The following SEPTIN3 variants were observed in gnomAD, a reference collection of about 807,000 sequenced individuals.
The protein encoded by SEPTIN3 is neuronal-specific septin-3.
In SEPTIN3, 15 loss-of-function variants were observed where a neutral mutation model predicts 45.1. That is an observed-to-expected ratio of 0.33 (90% CI 0.22 to 0.51). The LOEUF is 0.51. SEPTIN3 is among the 20% of genes least tolerant of loss of function. The probability of loss-of-function intolerance (pLI) is 0.97; values close to 1 mark genes in which losing one functional copy is unlikely to be tolerated. For missense variants in SEPTIN3, 289 were observed against 457.2 expected, an observed-to-expected ratio of 0.63 and a Z score of 3.35; for synonymous variants, 148 against 164.8, an observed-to-expected ratio of 0.90 and a Z score of 0.78.
At chr22:41,973,204 G>A (rs1436423399) in intron 2 of SEPTIN3, among the ~76,000 whole-genome samples, 4 of 152,128 alleles carry the variant, frequency 2.6e-5, no homozygotes, top group Non-Finnish European at 5.9e-5. Context: ...GCCAGTCTGA[G>A]GTCAGGCTGA....
intron 3 of SEPTIN3, among the ~76,000 whole-genome samples, chr22:41,982,815 T>C (rs9620002): frequency 2.6e-3 from 381 of 147,954 alleles, no homozygotes; most frequent in African/African-American, 9.0e-3. Context: ...CACTTGAACC[T>C]GGGAGGTGGA....
At position 41,981,738 on chromosome 22, in the gene SEPTIN3, A is replaced by C. The variant is rs764705368; in HGVS notation, c.1598A>C (p.Asn533Thr). Residue 533 changes from asparagine (N) to threonine (T), a missense_variant, in exon 3 of 12, where the codon AAC becomes ACC. Transcript: ENST00000644076. ...PAVPMKPMSI[N>T]SNLLGYIGID... ...GTGCCCATGAAGCCCATGAGCATCA[A>C]CTCCAACCTGCTGGGCTACATCGGC... The C allele has an allele frequency of 1.2e-6, 2 of 1,613,872 alleles. No individual in the cohort carries two copies. The highest frequency in any genetic ancestry group is 1.1e-5 in the South Asian group (1 of 91,056).
At chr22:41,981,420 C>T (rs2078117877) in intron 2 of SEPTIN3, 1 of 474,136 alleles carries the variant, frequency 2.1e-6, no homozygotes, top group Non-Finnish European at 3.7e-6. Flanking sequence ...TGGCACTGGC[C>T]CAGATTTTAC....
chr22:41,981,181 C>T (rs2078114521), intron 2 of SEPTIN3: 1 of 155,790 alleles, frequency 6.4e-6, no homozygotes, highest in African/African-American at 2.4e-5. Context: ...GGCAATGGTG[C>T]TTCCCAGGGG....
chr22:41,974,714 G>A (rs191629559), intron 2 of SEPTIN3, among the ~76,000 whole-genome samples: 44 of 149,818 alleles, frequency 2.9e-4, no homozygotes, highest in African/African-American at 8.8e-4. Context: ...ATGAAACCCC[G>A]TCTCTACTAA....
At chr22:41,987,413 G>A in intron 5 of SEPTIN3, 126 bp downstream of exon 5, 2 of 1,123,402 alleles carry the variant, frequency 1.8e-6, no homozygotes, top group East Asian at 2.5e-5. Context: ...GACAGCCCAG[G>A]CCAGGGCCCC....
chr22:41,973,353 C>T (rs539649906), intron 2 of SEPTIN3, among the ~76,000 whole-genome samples: 303 of 151,692 alleles, frequency 2.0e-3, no homozygotes, highest in African/African-American at 7.0e-3. Flanking sequence ...GAGACTGTCT[C>T]TACAAAAAAT....
At chr22:41,990,745 C>CAAAAAAA (rs71184855) in intron 7 of SEPTIN3, among the ~76,000 whole-genome samples, 2 of 96,542 alleles carry the variant, frequency 2.1e-5, no homozygotes, top group Non-Finnish European at 1.9e-5. Flanking sequence ...CACTCTATCT[C>CAAAAAAA]AAAAAAAAAA....
chr22:41,974,713 C>T (rs906861934), intron 2 of SEPTIN3, among the ~76,000 whole-genome samples: 10 of 151,102 alleles, frequency 6.6e-5, no homozygotes, highest in South Asian at 2.1e-4. Flanking sequence ...GATGAAACCC[C>T]GTCTCTACTA....
chr22:41,994,924 A>G lies in SEPTIN3; in HGVS notation c.2505+210A>G, dbSNP rs1035878344. On this transcript the variant is annotated intron_variant, in intron 11 of 11. Coordinates refer to ENST00000644076, the MANE Select transcript of SEPTIN3 (RefSeq NM_001363845.2). This position sits in a 1 kb window ranked among gnomAD's most constrained non-coding sequence, Gnocchi z 4.2. The stretch of plus-strand genomic sequence containing the variant: ...GTGTGTGTGTGTGTGTGTGTGTGTG[A>G]CAGAGAGAGAGCGAGAGAGCCTGTG... 1.7e-6 allele frequency: 2 copies of G among 1,190,478 alleles called. No homozygotes were observed. The highest frequency in any genetic ancestry group is 1.9e-5 in the South Asian group (1 of 51,896). The allele number at this position is 1,190,478 out of a possible 1,614,324, so 73.7% of individuals were successfully genotyped here.
At chr22:41,984,318 C>G (rs1162545815) in intron 3 of SEPTIN3, among the ~76,000 whole-genome samples, 2 of 152,174 alleles carry the variant, frequency 1.3e-5, no homozygotes, top group African/African-American at 4.8e-5. Context: ...AATATAATCA[C>G]AAGAATTCAC....
chr22:41,969,921 A>G (rs1318524192), intron 1 of SEPTIN3, among the ~76,000 whole-genome samples: 1 of 152,000 alleles, frequency 6.6e-6, no homozygotes, highest in African/African-American at 2.4e-5. Context: ...GTGGCTGTGC[A>G]GGAGGGGGCA....
chr22:41,990,764 A>AAG (rs1215235306), intron 7 of SEPTIN3, among the ~76,000 whole-genome samples: 2 of 137,986 alleles, frequency 1.4e-5, no homozygotes, highest in Non-Finnish European at 3.2e-5. Flanking sequence ...AAAAAAAAAA[A>AAG]AAAAGAAACT....
intron 3 of SEPTIN3, among the ~76,000 whole-genome samples, chr22:41,984,845 C>CTTTTTTTT (rs11380985): frequency 6.0e-5 from 6 of 100,660 alleles, no homozygotes; most frequent in African/African-American, 1.6e-4. Context: ...GTGGTTTTCC[C>CTTTTTTTT]TTTTTTTTTT....
Position 41,987,786 on chromosome 22 carries a change from C to T in SEPTIN3, c.2045+27C>T, listed in dbSNP as rs1259992242. On this transcript the variant is annotated intron_variant, in intron 6 of 11. Coordinates refer to ENST00000644076, the MANE Select transcript of SEPTIN3 (RefSeq NM_001363845.2). ...TATGTACCAACCCTACCCCTATTGT[C>T]AGGCCTGGTCTGGTTTGTATCATCT... 6.3e-6 allele frequency: 10 copies of T among 1,595,678 alleles called. No individual in the cohort carries two copies. In the African/African-American group the frequency reaches 1.2e-4, roughly 19 times the overall value.
chr22:41,979,850 C>G (rs1413302561), intron 2 of SEPTIN3, among the ~76,000 whole-genome samples: 1 of 152,154 alleles, frequency 6.6e-6, no homozygotes, highest in Non-Finnish European at 1.5e-5. Flanking sequence ...GAAGGGAATA[C>G]TTCTGTCCCC....
In SEPTIN3 at chr22:41,969,466, C is replaced by G. The variant is rs999251143; in HGVS notation, c.-231C>G. 2 of 152,178 alleles carry G rather than the reference C, an allele frequency of 1.3e-5. No homozygotes were observed. The highest frequency in any genetic ancestry group is 4.8e-5 in the African/African-American group (2 of 41,344). 9.4% of individuals were successfully genotyped at this position (152,178 alleles called of 1,614,324 possible). On this transcript the variant is annotated 5_prime_UTR_variant, in exon 1 of 12. Coordinates refer to ENST00000644076, the MANE Select transcript of SEPTIN3 (RefSeq NM_001363845.2). ...CCAGAGCCCAGCCCAGCACGGTCTC[C>G]GGGGATGTAGCTGGTGGGACAGTGA...
chr22:41,997,169 G>A lies in SEPTIN3; in HGVS notation c.*202G>A. On this transcript the variant is annotated 3_prime_UTR_variant, in exon 12 of 12. Transcript: ENST00000644076. ...ACTCCTCTCCTCCCAGTGGAGTGGG[G>A]TTCTGCCAGTACAGCCCTACTGCAT... The A allele has an allele frequency of 3.1e-6, 3 of 964,288 alleles. No individual in the cohort carries two copies. Among genetic ancestry groups the A allele is most frequent in the Non-Finnish European group, 4.5e-6 (3 of 667,980 alleles). The allele number at this position is 964,288 out of a possible 1,614,324, so 59.7% of individuals were successfully genotyped here.
In SEPTIN3 at chr22:41,994,546, C is replaced by G; in HGVS notation, c.2412-75C>G. ...TTCCCATTCACTGGGTCCAGTCCCTCGAAGTGATGTGTGTCACCGCCTCCT... is the reference window on the plus strand; with the variant it reads ...TTCCCATTCACTGGGTCCAGTCCCTGGAAGTGATGTGTGTCACCGCCTCCT... On this transcript the variant is annotated intron_variant, in intron 10 of 11. Transcript: ENST00000644076. This position sits in a 1 kb window ranked among gnomAD's most constrained non-coding sequence, Gnocchi z 4.2. 1 of 1,603,100 alleles carries G rather than the reference C, an allele frequency of 6.2e-7. No homozygotes were observed. Among genetic ancestry groups the G allele is most frequent in the Non-Finnish European group, 8.5e-7 (1 of 1,174,096 alleles).
Sources: allele counts gnomAD v4.1 joint callset (sites outside exome capture counted in the v4.1 genomes callset), GRCh38; gene constraint gnomAD v4.1.1; non-coding constraint Gnocchi (gnomAD v3.1); transcripts MANE v1.5; gene names NCBI Gene and HGNC (gene_info 2026-07-23, HGNC 2026-07-21).